The following CDC42SE2 variants were observed in gnomAD, a reference collection of about 807,000 sequenced individuals.
CDC42SE2 encodes CDC42 small effector 2, also known as CDC42 small effector protein 2.
Under a neutral mutation model 11.5 loss-of-function variants are expected in CDC42SE2, and 3 were observed. The ratio of observed to expected loss-of-function variants is 0.26; its 90% confidence interval spans 0.12 to 0.67. The LOEUF is 0.67. CDC42SE2 is among the 30% of genes least tolerant of loss of function. The pLI, the probability that CDC42SE2 is intolerant of heterozygous loss-of-function variation, is 0.80. For missense variants in CDC42SE2, 82 were observed against 106.8 expected (o/e 0.77, Z 1.02); for synonymous variants, 33 against 34.8 (o/e 0.95, Z 0.18).
intron 3 of CDC42SE2, among the ~76,000 whole-genome samples, chr5:131,385,281 C>CA (rs1415670198): frequency 1.3e-5 from 2 of 152,078 alleles, no homozygotes; most frequent in Non-Finnish European, 2.9e-5. Context: ...AAAACTTAAG[C>CA]AGTTATTAAA....
intron 1 of CDC42SE2, among the ~76,000 whole-genome samples, chr5:131,292,516 C>T (rs1182211202): frequency 8.4e-5 from 12 of 143,334 alleles, no homozygotes; most frequent in African/African-American, 2.9e-4. Flanking sequence ...TGCAGTGAGC[C>T]GAGACTGCAC....
the CDC42SE2 span, among the ~76,000 whole-genome samples, chr5:131,223,406 G>A: frequency 6.6e-6 from 1 of 152,154 alleles, no homozygotes; most frequent in African/African-American, 2.4e-5. Flanking sequence ...CAAGTTTGAA[G>A]CTGTCTTATC....
intron 2 of CDC42SE2, among the ~76,000 whole-genome samples, chr5:131,347,121 A>C (rs974637168): frequency 6.6e-6 from 1 of 152,236 alleles, no homozygotes; most frequent in African/African-American, 2.4e-5. Context: ...TTCAAAAGCT[A>C]GAAGAAGGCA....
chr5:131,383,088 A>G (rs1045482600), intron 3 of CDC42SE2, among the ~76,000 whole-genome samples: 2 of 152,218 alleles, frequency 1.3e-5, no homozygotes, highest in Non-Finnish European at 2.9e-5. Flanking sequence ...GGAAATAGAC[A>G]AACTGAGTCT....
chr5:131,250,222 C>T (rs979119447), intron 1 of CDC42SE2, among the ~76,000 whole-genome samples: 2 of 152,132 alleles, frequency 1.3e-5, no homozygotes, highest in Non-Finnish European at 2.9e-5. Flanking sequence ...GGAAACAACC[C>T]AGATGCATGC....
chr5:131,357,522 C>T (rs1392672264), intron 2 of CDC42SE2, among the ~76,000 whole-genome samples: 1 of 152,178 alleles, frequency 6.6e-6, no homozygotes, highest in East Asian at 1.9e-4. Context: ...ATGTTCAGGA[C>T]TCTGTGATCC....
At chr5:131,340,147 G>A (rs1758678465) in intron 2 of CDC42SE2, among the ~76,000 whole-genome samples, 1 of 152,144 alleles carries the variant, frequency 6.6e-6, no homozygotes, top group Non-Finnish European at 1.5e-5. Flanking sequence ...AAGAATAAAG[G>A]AAAAAATACA....
At chr5:131,379,517 G>T (rs1750257869) in intron 3 of CDC42SE2, among the ~76,000 whole-genome samples, 1 of 152,160 alleles carries the variant, frequency 6.6e-6, no homozygotes, top group South Asian at 2.1e-4. Context: ...TGCAAATAAG[G>T]TTCTCACAGT....
chr5:131,386,861 C>G (rs1302468525), intron 4 of CDC42SE2, among the ~76,000 whole-genome samples: 3 of 148,200 alleles, frequency 2.0e-5, no homozygotes. Flanking sequence ...ACAGCATTAA[C>G]AAAAGACTTA....
chr5:131,227,400 TGAGGCAG>T, the CDC42SE2 span, among the ~76,000 whole-genome samples: 1 of 151,364 alleles, frequency 6.6e-6, no homozygotes, highest in Non-Finnish European at 1.5e-5. Context: ...TTTGGGAGAC[TGAGGCAG>T]GTGGATCACT....
the CDC42SE2 span, among the ~76,000 whole-genome samples, chr5:131,220,555 A>C: frequency 1.3e-5 from 2 of 152,330 alleles, no homozygotes; most frequent in African/African-American, 4.8e-5. Flanking sequence ...CATCTGCAGC[A>C]TCATAGTTAG....
intron 3 of CDC42SE2, among the ~76,000 whole-genome samples, chr5:131,382,356 T>A (rs1750351079): frequency 6.6e-6 from 1 of 152,202 alleles, no homozygotes; most frequent in Non-Finnish European, 1.5e-5. Flanking sequence ...AGATGGGTGG[T>A]GGCCTGAGCA....
At position 131,359,400 on chromosome 5, in the gene CDC42SE2, A is replaced by C; in HGVS notation, c.-94A>C. On this transcript the variant is annotated 5_prime_UTR_variant, in exon 3 of 5. Transcript: ENST00000505065. ...AATAATAAAATTTCATCTTGGCATC[A>C]CTGGACATCATCGTATTGAGGAGCG... 1 of 875,702 alleles carries C rather than the reference A, an allele frequency of 1.1e-6. No individual in the cohort carries two copies. Among genetic ancestry groups the C allele is most frequent in the Non-Finnish European group, 2.0e-6 (1 of 506,558 alleles). The allele number at this position is 875,702 out of a possible 1,614,324, so 54.2% of individuals were successfully genotyped here. A position where few individuals can be genotyped will look rare whatever the true frequency, so the allele number is the denominator to read the frequency against.
intron 4 of CDC42SE2, among the ~76,000 whole-genome samples, chr5:131,386,927 C>G (rs774215139): frequency 1.1e-4 from 16 of 152,332 alleles, no homozygotes; most frequent in Admixed American, 8.5e-4. Context: ...CGACGTTTGT[C>G]ACTGCAGTTA....
intron 2 of CDC42SE2, among the ~76,000 whole-genome samples, chr5:131,256,176 C>G (rs1756678301): frequency 6.6e-6 from 1 of 152,124 alleles, no homozygotes; most frequent in Admixed American, 6.5e-5. Context: ...CTTTTTTGCC[C>G]AAGTGGAAAT....
At chr5:131,342,913 G>C in intron 2 of CDC42SE2, among the ~76,000 whole-genome samples, 1 of 150,110 alleles carries the variant, frequency 6.7e-6, no homozygotes. Context: ...GGGTTTCATT[G>C]TGTTGGCCAG....
Position 131,329,790 on chromosome 5 carries a change from A to G in CDC42SE2, c.-286+13646A>G, listed in dbSNP as rs145778296. Reference sequence around the variant, plus strand: ...GCTACTTGGGAGGCTGAGGCAGGAGAATTGCTTGAACTCGGGAGGCAGAGG... The same window carrying G: ...GCTACTTGGGAGGCTGAGGCAGGAGGATTGCTTGAACTCGGGAGGCAGAGG... On this transcript the variant is annotated intron_variant, in intron 2 of 4. Transcript: ENST00000505065. Among the ~76,000 whole-genome samples the G allele has an allele frequency of 1.6e-3, 231 of 148,104 alleles. 1 individual carries two copies. Among genetic ancestry groups the G allele is most frequent in the African/African-American group, 5.4e-3 (218 of 40,742 alleles).
intron 2 of CDC42SE2, among the ~76,000 whole-genome samples, chr5:131,353,398 C>T (rs1162885699): frequency 6.6e-6 from 1 of 151,944 alleles, no homozygotes; most frequent in Non-Finnish European, 1.5e-5. Flanking sequence ...TCTTGTGCCT[C>T]AGCCACCTGA....
At chr5:131,222,646 C>G in the CDC42SE2 span, among the ~76,000 whole-genome samples, 1 of 152,176 alleles carries the variant, frequency 6.6e-6, no homozygotes, top group African/African-American at 2.4e-5. Flanking sequence ...ATGTTGTCAG[C>G]TGAGTTCCCT....
Sources: allele counts gnomAD v4.1 joint callset (sites outside exome capture counted in the v4.1 genomes callset), GRCh38; gene constraint gnomAD v4.1.1; transcripts MANE v1.5; gene names NCBI Gene and HGNC (gene_info 2026-07-23, HGNC 2026-07-21).